KCNH7: variants seen among roughly 807,000 people sequenced by gnomAD.
KCNH7 encodes voltage-gated inwardly rectifying potassium channel KCNH7.
In KCNH7, 49 loss-of-function variants were observed where a neutral mutation model predicts 120.8. That is an observed-to-expected ratio of 0.41 (90% CI 0.32 to 0.51). The LOEUF is 0.51. KCNH7 is among the 20% of genes least tolerant of loss of function. The pLI is 0.38. For synonymous variants in KCNH7, 547 were observed against 516.1 expected (o/e 1.06, Z -0.81); for missense variants, 1,097 against 1,446.6 (o/e 0.76, Z 3.92).
chr2:162,617,620 G>T (rs1683195040), intron 2 of KCNH7, among the ~76,000 whole-genome samples: 1 of 152,164 alleles, frequency 6.6e-6, no homozygotes, highest in African/African-American at 2.4e-5. Context: ...AGCTGAGCAT[G>T]AGTTAGGATT....
intron 2 of KCNH7, among the ~76,000 whole-genome samples, chr2:162,781,575 CA>C (rs1368671459): frequency 2.0e-5 from 3 of 151,926 alleles, no homozygotes; most frequent in Admixed American, 6.6e-5. Flanking sequence ...AAAGTAGTAA[CA>C]GGGGAGACAG....
At chr2:162,389,804 A>G (rs371541582) in intron 12 of KCNH7, among the ~76,000 whole-genome samples, 3 of 152,068 alleles carry the variant, frequency 2.0e-5, no homozygotes, top group African/African-American at 7.2e-5. Context: ...AATTCTGTAG[A>G]AACACTTTTT....
At chr2:162,827,359 T>C (rs1369975044) in intron 2 of KCNH7, among the ~76,000 whole-genome samples, 1 of 152,082 alleles carries the variant, frequency 6.6e-6, no homozygotes, top group Non-Finnish European at 1.5e-5. Flanking sequence ...ACTAGACATA[T>C]AGTAACTGAG....
intron 6 of KCNH7, among the ~76,000 whole-genome samples, chr2:162,446,807 A>G (rs1352631200): frequency 1.3e-5 from 2 of 152,126 alleles, no homozygotes; most frequent in Middle Eastern, 3.2e-3. Flanking sequence ...TATATTAGTA[A>G]TGCAGTTTTC....
chr2:162,528,532 G>C (rs1346750314), intron 3 of KCNH7, among the ~76,000 whole-genome samples: 1 of 151,934 alleles, frequency 6.6e-6, no homozygotes, highest in African/African-American at 2.4e-5. Flanking sequence ...AAATTAGGTG[G>C]AATAAAGTGA....
intron 6 of KCNH7, among the ~76,000 whole-genome samples, chr2:162,484,938 T>A (rs1395931963): frequency 6.6e-6 from 1 of 152,084 alleles, no homozygotes; most frequent in African/African-American, 2.4e-5. Context: ...TTTCCAGCCA[T>A]CCAGAATCAT....
chr2:162,643,804 CAAAAAAAAAAAAA>C (rs781089376), intron 2 of KCNH7, among the ~76,000 whole-genome samples: 1 of 90,436 alleles, frequency 1.1e-5, no homozygotes, highest in African/African-American at 4.7e-5. Context: ...GACTCTATCT[CAAAAAAAAAAAAA>C]AAAAAAAAAA....
chr2:162,666,632 T>C (rs975672066), intron 2 of KCNH7, among the ~76,000 whole-genome samples: 1 of 152,224 alleles, frequency 6.6e-6, no homozygotes, highest in African/African-American at 2.4e-5. Flanking sequence ...TGTCCACTAC[T>C]GGTCCTTCCT....
intron 6 of KCNH7, among the ~76,000 whole-genome samples, chr2:162,494,898 GAATT>G (rs1486145827): frequency 4.6e-5 from 7 of 152,094 alleles, no homozygotes; most frequent in Non-Finnish European, 1.5e-5. Context: ...ATAGAAAACT[GAATT>G]AATCATTTAA....
chr2:162,491,302 C>T (rs1261396852), intron 6 of KCNH7, among the ~76,000 whole-genome samples: 1 of 152,170 alleles, frequency 6.6e-6, no homozygotes, highest in South Asian at 2.1e-4. Flanking sequence ...TTTCTTTTTC[C>T]CACAGTGCCA....
chr2:162,827,559 T>C (rs1685332348), intron 2 of KCNH7, among the ~76,000 whole-genome samples: 1 of 152,134 alleles, frequency 6.6e-6, no homozygotes, highest in East Asian at 1.9e-4. Flanking sequence ...AAAGTTCTGT[T>C]AAAAATGCAA....
chr2:162,491,673 AC>A (rs1172864540), intron 6 of KCNH7, among the ~76,000 whole-genome samples: 1 of 152,120 alleles, frequency 6.6e-6, no homozygotes, highest in African/African-American at 2.4e-5. Flanking sequence ...CATGGGTGGC[AC>A]CCTGCCGAGG....
chr2:162,825,746 T>C (rs914863908), intron 2 of KCNH7, among the ~76,000 whole-genome samples: 9 of 152,064 alleles, frequency 5.9e-5, no homozygotes, highest in African/African-American at 2.2e-4. Context: ...GTAAAAATTT[T>C]ATGTAATCAT....
chr2:162,467,470 A>T (rs751830792), intron 6 of KCNH7, among the ~76,000 whole-genome samples: 20 of 151,938 alleles, frequency 1.3e-4, no homozygotes, highest in Non-Finnish European at 2.2e-4. Flanking sequence ...GAGGCTGGCA[A>T]TTCCCTCCTC....
intron 2 of KCNH7, among the ~76,000 whole-genome samples, chr2:162,699,675 C>T (rs567857898): frequency 1.3e-5 from 2 of 152,168 alleles, no homozygotes; most frequent in Admixed American, 1.3e-4. Context: ...CTTTTATTTG[C>T]TTTTAACTTA....
chr2:162,688,185 C>A (rs1434886367), intron 2 of KCNH7, among the ~76,000 whole-genome samples: 3 of 152,106 alleles, frequency 2.0e-5, no homozygotes, highest in African/African-American at 7.2e-5. Context: ...TAATCTGGTT[C>A]AACTCATCCT....
At position 162,379,947 on chromosome 2, in the gene KCNH7, G is replaced by C; in HGVS notation, c.3037C>G (p.Gln1013Glu). The change falls in exon 14 of 16, where the codon CAG becomes GAG. Residue 1013 changes from glutamine to glutamate, a missense_variant. By Grantham distance (29) the Gln-to-Glu change is conservative. Transcript: ENST00000332142. Reference protein sequence around the residue: ...QPEDSSPSALQRAAWGISETE... With the variant: ...QPEDSSPSALERAAWGISETE... ...TCAGAGATACCCCAGGCAGCTCGCTGAAGTGCAGATGGACTGGAGTCTTCA... is the reference window on the plus strand; with the variant it reads ...TCAGAGATACCCCAGGCAGCTCGCTCAAGTGCAGATGGACTGGAGTCTTCA... The C allele has an allele frequency of 6.2e-7, 1 of 1,614,066 alleles. No individual in the cohort carries two copies. Among genetic ancestry groups the C allele is most frequent in the Non-Finnish European group, 8.5e-7 (1 of 1,179,960 alleles).
At chr2:162,682,982 AT>A (rs1375316231) in intron 2 of KCNH7, among the ~76,000 whole-genome samples, 11 of 151,818 alleles carry the variant, frequency 7.2e-5, no homozygotes, top group Admixed American at 3.3e-4. Context: ...GGATAGTCTA[AT>A]TTTTTTATTT....
intron 9 of KCNH7, among the ~76,000 whole-genome samples, chr2:162,405,962 C>G (rs553826072): frequency 3.7e-4 from 56 of 152,014 alleles, no homozygotes; most frequent in African/African-American, 1.3e-3. Context: ...TCTTCTGTCA[C>G]CTTTCAAGGA....
Sources: allele counts gnomAD v4.1 joint callset (sites outside exome capture counted in the v4.1 genomes callset), GRCh38; gene constraint gnomAD v4.1.1; transcripts MANE v1.5; gene names NCBI Gene and HGNC (gene_info 2026-07-23, HGNC 2026-07-21).